Variants in MAD1L1 observed in about 807,000 individuals in gnomAD.
MAD1L1 encodes the protein mitotic arrest deficient 1 like 1, also known as mitotic spindle assembly checkpoint protein MAD1.
In MAD1L1, 95 loss-of-function variants were observed where a neutral mutation model predicts 96.9. The observed-to-expected ratio is 0.98, with a 90% CI of 0.83 to 1.16. The LOEUF is 1.16. MAD1L1 is among the 50% of genes most tolerant of loss of function. MAD1L1 has a pLI of 0.00. For synonymous variants in MAD1L1, 473 were observed against 396.6 expected (o/e 1.19, Z -2.29); for missense variants, 1,007 against 954.4 (o/e 1.06, Z -0.73).
intron 17 of MAD1L1, among the ~76,000 whole-genome samples, chr7:1,919,344 C>A (rs1305887258): frequency 6.6e-6 from 1 of 152,258 alleles, no homozygotes; most frequent in African/African-American, 2.4e-5. Flanking sequence ...TGTGTTGGAG[C>A]CAGGGACACC....
intron 15 of MAD1L1, among the ~76,000 whole-genome samples, chr7:1,972,951 G>T (rs117663441): frequency 6.6e-6 from 1 of 152,202 alleles, no homozygotes; most frequent in Non-Finnish European, 1.5e-5. Flanking sequence ...CTAATGCTTA[G>T]AGACTTCCCT....
intron 15 of MAD1L1, among the ~76,000 whole-genome samples, chr7:1,965,696 A>G (rs1583937335): frequency 6.6e-6 from 1 of 152,346 alleles, no homozygotes; most frequent in Non-Finnish European, 1.5e-5. Context: ...GGCGGCAGGG[A>G]GCCTGAGGCA....
At chr7:1,871,917 G>A (rs747354900) in intron 18 of MAD1L1, among the ~76,000 whole-genome samples, 23 of 152,206 alleles carry the variant, frequency 1.5e-4, no homozygotes, top group Non-Finnish European at 3.1e-4. Flanking sequence ...GAGATGAGAA[G>A]AGAGGGGGCA....
intron 18 of MAD1L1, among the ~76,000 whole-genome samples, chr7:1,817,276 C>T (rs1250994983): frequency 6.6e-6 from 1 of 152,150 alleles, no homozygotes; most frequent in Admixed American, 6.5e-5. Flanking sequence ...CCGGCAGCTC[C>T]TCAAAGAGCT....
At chr7:2,025,243 C>T (rs976840121) in intron 12 of MAD1L1, among the ~76,000 whole-genome samples, 2 of 152,156 alleles carry the variant, frequency 1.3e-5, no homozygotes, top group Non-Finnish European at 2.9e-5. Context: ...AACATTTCAA[C>T]AACACTTCTC....
chr7:1,921,607 C>T (rs1788799854), intron 17 of MAD1L1, among the ~76,000 whole-genome samples: 1 of 152,164 alleles, frequency 6.6e-6, no homozygotes, highest in Non-Finnish European at 1.5e-5. Context: ...GCATGAGCCA[C>T]CGCGCCTGGC....
chr7:2,228,534 T>C (rs1794027632), intron 3 of MAD1L1, among the ~76,000 whole-genome samples: 1 of 152,116 alleles, frequency 6.6e-6, no homozygotes, highest in African/African-American at 2.4e-5. Flanking sequence ...GTTATAGGCA[T>C]GAGCCACTGC....
intron 13 of MAD1L1, among the ~76,000 whole-genome samples, chr7:2,005,348 TA>T (rs1419067923): frequency 2.0e-5 from 3 of 151,860 alleles, no homozygotes; most frequent in Non-Finnish European, 2.9e-5. Context: ...TCGCCTGCAT[TA>T]GGGGGGTTAC....
At chr7:1,997,876 C>T (rs539266419) in intron 14 of MAD1L1, among the ~76,000 whole-genome samples, 1 of 152,268 alleles carries the variant, frequency 6.6e-6, no homozygotes, top group South Asian at 2.1e-4. Context: ...CCCCTCCTCT[C>T]GTCCCTCGGG....
chr7:2,066,917 G>C (rs1784900607), intron 12 of MAD1L1, among the ~76,000 whole-genome samples: 1 of 152,218 alleles, frequency 6.6e-6, no homozygotes, highest in South Asian at 2.1e-4. Flanking sequence ...CCAACCGCTG[G>C]CCTCACTTAA....
intron 12 of MAD1L1, among the ~76,000 whole-genome samples, chr7:2,052,111 C>T (rs913030077): frequency 1.3e-5 from 2 of 152,116 alleles, no homozygotes; most frequent in South Asian, 2.1e-4. Flanking sequence ...ACCCACGCTC[C>T]GCACACATCA....
At chr7:1,870,652 G>C (rs1314151844) in intron 18 of MAD1L1, among the ~76,000 whole-genome samples, 2 of 113,418 alleles carry the variant, frequency 1.8e-5, no homozygotes, top group Non-Finnish European at 3.5e-5. Context: ...CCCAACATAT[G>C]CCTGCCACGC....
At chr7:1,841,035 G>A (rs1402621937) in intron 18 of MAD1L1, among the ~76,000 whole-genome samples, 4 of 152,196 alleles carry the variant, frequency 2.6e-5, no homozygotes, top group Admixed American at 6.5e-5. Context: ...CACTGCCGGC[G>A]GCTGGTGGGA....
chr7:1,912,964 C>T (rs542610758), intron 17 of MAD1L1, among the ~76,000 whole-genome samples: 46 of 151,994 alleles, frequency 3.0e-4, no homozygotes, highest in Non-Finnish European at 5.3e-4. Context: ...AATTTCCCAC[C>T]GAGGCTTGCA....
At chr7:2,156,161 GCGGGCGCA>G (rs1789827310) in intron 10 of MAD1L1, among the ~76,000 whole-genome samples, 1 of 145,308 alleles carries the variant, frequency 6.9e-6, no homozygotes, top group South Asian at 2.1e-4. Context: ...GGCGAGGGGA[GCGGGCGCA>G]CGGTTTCACG....
intron 14 of MAD1L1, among the ~76,000 whole-genome samples, chr7:1,990,139 G>A (rs966435465): frequency 6.6e-6 from 1 of 152,232 alleles, no homozygotes; most frequent in Non-Finnish European, 1.5e-5. Context: ...GCCAACTCAC[G>A]TGGCATCGCT....
chr7:1,905,538 G>C (rs1787575459), intron 17 of MAD1L1, among the ~76,000 whole-genome samples: 1 of 151,920 alleles, frequency 6.6e-6, no homozygotes, highest in Admixed American at 6.5e-5. Flanking sequence ...GTGGCCTATG[G>C]AAGACGCTCT....
intron 11 of MAD1L1, among the ~76,000 whole-genome samples, chr7:2,070,070 T>C (rs1785053119): frequency 6.6e-6 from 1 of 152,156 alleles, no homozygotes. Flanking sequence ...GGCTGGGTCA[T>C]GCGATTTTTA....
At chr7:2,069,142 A>G in intron 12 of MAD1L1, 52 bp downstream of exon 12, 1 of 1,517,184 alleles carries the variant, frequency 6.6e-7, no homozygotes, top group Non-Finnish European at 8.8e-7. Flanking sequence ...CCAGGTGTGC[A>G]CTGACCCGCA....
Sources: allele counts gnomAD v4.1 joint callset (sites outside exome capture counted in the v4.1 genomes callset), GRCh38; gene constraint gnomAD v4.1.1; transcripts MANE v1.5; gene names NCBI Gene and HGNC (gene_info 2026-07-23, HGNC 2026-07-21).